Variants in CAMK1D observed in about 807,000 individuals in gnomAD.
The protein encoded by CAMK1D is calcium/calmodulin-dependent protein kinase type 1D.
In CAMK1D, 9 loss-of-function variants were observed where a neutral mutation model predicts 47.7. That is an observed-to-expected ratio of 0.19 (90% CI 0.11 to 0.33). The LOEUF (loss-of-function observed/expected upper bound fraction) is 0.33. Among genes scored for constraint, CAMK1D ranks in the 10% least tolerant of loss-of-function variants. The pLI is 1.00. For missense variants in CAMK1D, 291 were observed against 488.7 expected (o/e 0.60, Z 3.81); for synonymous variants, 184 against 184.9 (o/e 0.99, Z 0.04).
At chr10:12,365,722 G>A (rs998207919) in intron 1 of CAMK1D, among the ~76,000 whole-genome samples, 2 of 151,600 alleles carry the variant, frequency 1.3e-5, no homozygotes, top group Non-Finnish European at 2.9e-5. Flanking sequence ...ACAGGTGTAA[G>A]CCACCACGCC....
At chr10:12,541,680 C>G (rs186595854) in intron 1 of CAMK1D, among the ~76,000 whole-genome samples, 1 of 151,800 alleles carries the variant, frequency 6.6e-6, no homozygotes, top group African/African-American at 2.4e-5. Context: ...CTGTTATGGT[C>G]CATTCGGATT....
chr10:12,597,418 C>T (rs1838176317), intron 2 of CAMK1D, among the ~76,000 whole-genome samples: 1 of 152,152 alleles, frequency 6.6e-6, no homozygotes, highest in Non-Finnish European at 1.5e-5. Flanking sequence ...GGTCATTGGC[C>T]TTCTGGGCTG....
At chr10:12,443,443 T>C (rs939802470) in intron 1 of CAMK1D, among the ~76,000 whole-genome samples, 17 of 152,158 alleles carry the variant, frequency 1.1e-4, no homozygotes, top group African/African-American at 2.4e-5. Context: ...TGTGCTCGTA[T>C]AGTCGTGTTA....
chr10:12,703,999 ACT>A (rs1833633704), intron 3 of CAMK1D, among the ~76,000 whole-genome samples: 1 of 152,054 alleles, frequency 6.6e-6, no homozygotes, highest in Non-Finnish European at 1.5e-5. Flanking sequence ...TACTTGAGTC[ACT>A]CTTCTTGGTG....
intron 2 of CAMK1D, among the ~76,000 whole-genome samples, chr10:12,639,238 C>A (rs1388257344): frequency 6.6e-6 from 1 of 152,226 alleles, no homozygotes; most frequent in African/African-American, 2.4e-5. Context: ...GTAATCCCAG[C>A]TCTTTGGGAG....
At position 12,827,462 on chromosome 10, in the gene CAMK1D, T is replaced by TTTTCTTTCTTTCTTTCTTTCTTTCTTTC. The variant is rs1564594070; in HGVS notation, c.1040-1306_1040-1305insTTCTTTCTTTCTTTCTTTCTTTCTTTCT. Among the ~76,000 whole-genome samples, 5 of 12,148 alleles carry TTTTCTTTCTTTCTTTCTTTCTTTCTTTC rather than the reference T, an allele frequency of 4.1e-4. 2 individuals are homozygous for TTTTCTTTCTTTCTTTCTTTCTTTCTTTC. Among genetic ancestry groups the TTTTCTTTCTTTCTTTCTTTCTTTCTTTC allele is most frequent in the African/African-American group, 9.5e-4 (5 of 5,282 alleles). 8.0% of individuals were successfully genotyped at this position (12,148 alleles called of 152,430 possible). On this transcript the variant is annotated intron_variant, in intron 10 of 10. Transcript: ENST00000619168. ...TTCTTTCTTTCTTTCTTTTCTTTCT[T>TTTTCTTTCTTTCTTTCTTTCTTTCTTTC]TGTCTGTCTGTCTTTCTTTCTTTCT... is the stretch of plus-strand genomic sequence containing the variant.
intron 1 of CAMK1D, among the ~76,000 whole-genome samples, chr10:12,495,468 T>A (rs901337165): frequency 1.1e-4 from 17 of 152,330 alleles, no homozygotes; most frequent in African/African-American, 3.6e-4. Flanking sequence ...TTTTAATAGG[T>A]CAGTTTTTTT....
chr10:12,813,296 C>T (rs768635938), intron 6 of CAMK1D, among the ~76,000 whole-genome samples: 16 of 152,172 alleles, frequency 1.1e-4, no homozygotes, highest in Non-Finnish European at 1.8e-4. Flanking sequence ...TGGTAGTGTG[C>T]TGATGTGCAG....
chr10:12,745,759 C>T (rs557162953), intron 3 of CAMK1D, among the ~76,000 whole-genome samples: 33 of 152,058 alleles, frequency 2.2e-4, no homozygotes, highest in Admixed American at 5.2e-4. Flanking sequence ...CCCGCCACCA[C>T]GCCCAGCTAA....
At chr10:12,641,929 C>T (rs949463602) in intron 2 of CAMK1D, among the ~76,000 whole-genome samples, 1 of 151,930 alleles carries the variant, frequency 6.6e-6, no homozygotes, top group Non-Finnish European at 1.5e-5. Flanking sequence ...CCTGTAGTCC[C>T]AGCTACTCTG....
At chr10:12,666,218 T>C (rs1234473826) in intron 2 of CAMK1D, among the ~76,000 whole-genome samples, 1 of 151,922 alleles carries the variant, frequency 6.6e-6, no homozygotes, top group Non-Finnish European at 1.5e-5. Flanking sequence ...CAGGTTGGTT[T>C]TTTTTTTCCT....
intron 1 of CAMK1D, among the ~76,000 whole-genome samples, chr10:12,551,301 A>C (rs922013116): frequency 6.6e-6 from 1 of 152,016 alleles, no homozygotes. Flanking sequence ...TAGGTTGCAC[A>C]CTCTTTATGA....
At chr10:12,358,662 G>A (rs1315776718) in intron 1 of CAMK1D, among the ~76,000 whole-genome samples, 1 of 152,184 alleles carries the variant, frequency 6.6e-6, no homozygotes, top group East Asian at 1.9e-4. Context: ...CAGAAAGATC[G>A]TTCTGGTGCA....
At chr10:12,440,484 C>T (rs1381587658) in intron 1 of CAMK1D, among the ~76,000 whole-genome samples, 5 of 152,050 alleles carry the variant, frequency 3.3e-5, no homozygotes, top group African/African-American at 4.8e-5. Context: ...GATGGGGTTT[C>T]GCCATGTTGG....
At chr10:12,470,933 C>CGTGT (rs1833727697) in intron 1 of CAMK1D, among the ~76,000 whole-genome samples, 1 of 152,116 alleles carries the variant, frequency 6.6e-6, no homozygotes, top group Admixed American at 6.5e-5. Context: ...TGCGTGCGTG[C>CGTGT]GTGTGTGCGT....
chr10:12,801,343 A>C (rs1588945310), intron 6 of CAMK1D, among the ~76,000 whole-genome samples: 1 of 116,662 alleles, frequency 8.6e-6, no homozygotes, highest in African/African-American at 4.1e-5. Flanking sequence ...CTATCTATCT[A>C]TCTATCTATC....
intron 2 of CAMK1D, among the ~76,000 whole-genome samples, chr10:12,625,825 G>A (rs1403132001): frequency 6.6e-6 from 1 of 152,118 alleles, no homozygotes; most frequent in Non-Finnish European, 1.5e-5. Context: ...AACGTGTCTA[G>A]GATAAATGTC....
In CAMK1D at chr10:12,835,364, AAT is replaced by A. The variant is rs1250229631; in HGVS notation, c.*6479_*6480del. On this transcript the variant is annotated 3_prime_UTR_variant, in exon 11 of 11. Transcript: ENST00000619168. The stretch of plus-strand genomic sequence containing the variant: ...AACTGTGAATTTATTCCATGCATGT[AAT>A]AAACTCTGCAAGAAGTTTAACCCAC... 5 of 152,234 alleles carry A rather than the reference AAT, an allele frequency of 3.3e-5. No individual in the cohort carries two copies. Among genetic ancestry groups the A allele is most frequent in the African/African-American group, 1.2e-4 (5 of 41,460 alleles). 9.4% of individuals were successfully genotyped at this position (152,234 alleles called of 1,614,324 possible).
At chr10:12,475,623 A>G (rs757672151) in intron 1 of CAMK1D, among the ~76,000 whole-genome samples, 1 of 152,142 alleles carries the variant, frequency 6.6e-6, no homozygotes, top group Non-Finnish European at 1.5e-5. Flanking sequence ...CCCTTCCTGC[A>G]GTTCCTTTAG....
Sources: gnomAD v4.1 joint callset for allele counts (sites outside exome capture counted in the v4.1 genomes callset) on GRCh38, gnomAD v4.1.1 for gene constraint, MANE v1.5 for transcripts, NCBI Gene and HGNC (gene_info 2026-07-23, HGNC 2026-07-21) for gene names.